Variants in GRIA1 observed in about 807,000 individuals in gnomAD.
GRIA1 encodes the protein glutamate receptor 1.
A neutral mutation model predicts 99.2 loss-of-function variants in GRIA1; 31 were observed. The observed-to-expected ratio is 0.31, with a 90% CI of 0.23 to 0.42. The LOEUF is 0.42. GRIA1 is among the 10% of genes least tolerant of loss of function. GRIA1 has a pLI of 1.00. For synonymous variants in GRIA1, 438 were observed against 432.4 expected, an observed-to-expected ratio of 1.01 and a Z score of -0.16; for missense variants, 782 against 1,157.5, an observed-to-expected ratio of 0.68 and a Z score of 4.71.
At chr5:153,723,481 T>G (rs1760235838) in intron 11 of GRIA1, among the ~76,000 whole-genome samples, 1 of 152,242 alleles carries the variant, frequency 6.6e-6, no homozygotes. Context: ...GGGAGTTCCC[T>G]TTCCTAGTCA....
intron 11 of GRIA1, among the ~76,000 whole-genome samples, chr5:153,746,217 A>G (rs1275954157): frequency 6.6e-6 from 1 of 152,118 alleles, no homozygotes; most frequent in Non-Finnish European, 1.5e-5. Flanking sequence ...GAGTAAAGAG[A>G]GGAAGAGAGA....
chr5:153,494,154 G>A (rs1278456504), intron 2 of GRIA1, 89 bp downstream of exon 2: 2 of 1,370,562 alleles, frequency 1.5e-6, no homozygotes, highest in African/African-American at 2.9e-5. Context: ...TTGCAAAAAT[G>A]ACTTCAGTTG....
chr5:153,645,808 GA>G (rs1754107122), intron 2 of GRIA1, among the ~76,000 whole-genome samples: 1 of 151,966 alleles, frequency 6.6e-6, no homozygotes, highest in Admixed American at 6.5e-5. Context: ...TATCTTAAAA[GA>G]AAAAAATAAT....
chr5:153,507,668 T>C (rs980487747), intron 2 of GRIA1, among the ~76,000 whole-genome samples: 1 of 152,230 alleles, frequency 6.6e-6, no homozygotes, highest in Non-Finnish European at 1.5e-5. Flanking sequence ...CTTCTGACTG[T>C]CATCTTCATG....
intron 2 of GRIA1, among the ~76,000 whole-genome samples, chr5:153,513,938 C>T (rs905928867): frequency 5.3e-5 from 8 of 152,122 alleles, no homozygotes; most frequent in African/African-American, 1.9e-4. Context: ...AGTGTAAGGC[C>T]TATTATATTC....
At chr5:153,633,856 A>T (rs1753149333) in intron 2 of GRIA1, among the ~76,000 whole-genome samples, 1 of 152,196 alleles carries the variant, frequency 6.6e-6, no homozygotes, top group Admixed American at 6.5e-5. Flanking sequence ...AGTGCCTCCC[A>T]TGTGCCAGGC....
intron 2 of GRIA1, among the ~76,000 whole-genome samples, chr5:153,546,563 T>C (rs139091740): frequency 6.6e-6 from 1 of 152,210 alleles, no homozygotes; most frequent in African/African-American, 2.4e-5. Context: ...ACAAGCATCA[T>C]CTCAAGTTGT....
At position 153,571,060 on chromosome 5, in the gene GRIA1, G is replaced by A. The variant is rs369679640; in HGVS notation, c.221-75868G>A. On this transcript the variant is annotated intron_variant, in intron 2 of 15. Coordinates refer to ENST00000285900, the MANE Select transcript of GRIA1 (RefSeq NM_000827.4). ...TTTACTCCAGCGATTCTCAACGTTA[G>A]CACTACCTATGTTTTGCACAGGGTT... 2.6e-5 allele frequency among the ~76,000 whole-genome samples: 4 copies of A among 152,136 alleles called. No homozygotes were observed. The East Asian group carries it at 7.7e-4, about 29-fold the overall frequency.
chr5:153,553,323 C>T (rs765196966), intron 2 of GRIA1, among the ~76,000 whole-genome samples: 3 of 152,090 alleles, frequency 2.0e-5, no homozygotes, highest in South Asian at 2.1e-4. Context: ...AGAAAGAATT[C>T]GAATGAGAGG....
At chr5:153,537,413 C>G (rs1758681948) in intron 2 of GRIA1, among the ~76,000 whole-genome samples, 1 of 152,126 alleles carries the variant, frequency 6.6e-6, no homozygotes. Flanking sequence ...TCTTCATTCT[C>G]CGCATGTCCC....
chr5:153,732,854 G>C (rs183507574), intron 11 of GRIA1, among the ~76,000 whole-genome samples: 1 of 151,230 alleles, frequency 6.6e-6, no homozygotes, highest in Non-Finnish European at 1.5e-5. Context: ...TACAGTTTCT[G>C]GTCTTACTTT....
intron 13 of GRIA1, among the ~76,000 whole-genome samples, chr5:153,776,748 G>A (rs1322819552): frequency 6.6e-6 from 1 of 152,198 alleles, no homozygotes. Flanking sequence ...AAAGGAGGGT[G>A]GTTAAGGCTA....
At chr5:153,610,068 C>T (rs1280580804) in intron 2 of GRIA1, among the ~76,000 whole-genome samples, 1 of 152,208 alleles carries the variant, frequency 6.6e-6, no homozygotes, top group Non-Finnish European at 1.5e-5. Context: ...CCCAGAACTC[C>T]TCTATGAGGA....
At chr5:153,585,299 CTTTTTTTTTTTTTT>C (rs10586598) in intron 2 of GRIA1, among the ~76,000 whole-genome samples, 1 of 70,100 alleles carries the variant, frequency 1.4e-5, no homozygotes, top group African/African-American at 6.3e-5. Context: ...TTCTCTCTCT[CTTTTTTTTTTTTTT>C]TTTTTTTTTT....
intron 11 of GRIA1, among the ~76,000 whole-genome samples, chr5:153,740,966 CTTTTTTTTTTTT>C (rs10601141): frequency 1.3e-5 from 1 of 76,782 alleles, no homozygotes; most frequent in Non-Finnish European, 2.2e-5. Context: ...AAGAAATTGG[CTTTTTTTTTTTT>C]TTTTTTTTTT....
At chr5:153,671,508 A>G (rs528049618) in intron 5 of GRIA1, among the ~76,000 whole-genome samples, 1 of 152,274 alleles carries the variant, frequency 6.6e-6, no homozygotes, top group South Asian at 2.1e-4. Context: ...TTCTGATTTC[A>G]CCTTTACTAA....
At chr5:153,740,327 G>A (rs929724475) in intron 11 of GRIA1, among the ~76,000 whole-genome samples, 1 of 152,248 alleles carries the variant, frequency 6.6e-6, no homozygotes, top group Admixed American at 6.5e-5. Flanking sequence ...AGGGAGACAG[G>A]TGTGGAGGGC....
Position 153,674,666 on chromosome 5 carries a change from G to A in GRIA1, c.861+5G>A. 1 of 1,613,510 alleles carries A rather than the reference G, an allele frequency of 6.2e-7. No individual in the cohort carries two copies. Among genetic ancestry groups the A allele is most frequent in the Non-Finnish European group, 8.5e-7 (1 of 1,179,564 alleles). ...GTGGACTGGAAGAGACCCAAGGTGAGTGGATGGGCAGCCAGCAGCAAAGGG... is the reference window on the plus strand; with the variant it reads ...GTGGACTGGAAGAGACCCAAGGTGAATGGATGGGCAGCCAGCAGCAAAGGG... On this transcript the variant is annotated splice_donor_5th_base_variant and intron_variant, in intron 6 of 15. Transcript: ENST00000285900.
At chr5:153,551,151 A>G (rs6580020) in intron 2 of GRIA1, among the ~76,000 whole-genome samples, 70,456 of 151,466 alleles carry the variant, frequency 0.47, 18,045 homozygotes, top group Non-Finnish European at 0.59. Flanking sequence ...ACTACTCAGG[A>G]TATGCACAAA....
Sources: allele counts gnomAD v4.1 joint callset (sites outside exome capture counted in the v4.1 genomes callset), GRCh38; gene constraint gnomAD v4.1.1; transcripts MANE v1.5; gene names NCBI Gene and HGNC (gene_info 2026-07-23, HGNC 2026-07-21).